CBL: variants seen among roughly 807,000 people sequenced by gnomAD.
CBL encodes Cbl proto-oncogene.
In CBL, 45 loss-of-function variants were observed where a neutral mutation model predicts 96.9. That is an observed-to-expected ratio of 0.46 (90% CI 0.37 to 0.60). CBL has a LOEUF of 0.60. Ranked by LOEUF, CBL falls within the 20% of genes least tolerant of loss-of-function variation. The probability of loss-of-function intolerance (pLI) is 0.00; values close to 1 mark genes in which losing one functional copy is unlikely to be tolerated. For synonymous variants in CBL, 420 were observed against 426.8 expected, an observed-to-expected ratio of 0.98 and a Z score of 0.20; for missense variants, 1,024 against 1,143.5, an observed-to-expected ratio of 0.90 and a Z score of 1.51.
intron 1 of CBL, among the ~76,000 whole-genome samples, chr11:119,212,627 A>AAAAT (rs996088190): frequency 6.6e-6 from 1 of 152,248 alleles, no homozygotes; most frequent in East Asian, 1.9e-4. Flanking sequence ...ACTCTGTCTC[A>AAAAT]AAATAAATAA....
At chr11:119,290,725 G>T (rs1039497507) in intron 12 of CBL, among the ~76,000 whole-genome samples, 1 of 148,634 alleles carries the variant, frequency 6.7e-6, no homozygotes, top group African/African-American at 2.5e-5. Flanking sequence ...ACCCAGGCTG[G>T]AGTCCAGTGG....
chr11:119,274,128 A>G (rs1949869997), intron 4 of CBL, 104 bp downstream of exon 4: 3 of 887,490 alleles, frequency 3.4e-6, no homozygotes, highest in Non-Finnish European at 3.5e-6. Context: ...TGTCTGTATG[A>G]AAGTATTTTA....
intron 13 of CBL, 58 bp from the exon 14 acceptor site, chr11:119,297,326 G>A (rs749540822): frequency 1.7e-5 from 22 of 1,315,920 alleles, no homozygotes; most frequent in Non-Finnish European, 2.0e-5. Flanking sequence ...ATCTTCATAA[G>A]TTTATAGATA....
rs548187956 is a variant in CBL at position 119,242,987 on chromosome 11, A to T, written c.443+10292A>T. ...GGGTGGTGGTTATATCAAAAGATTT[A>T]GAATTTTCAGCCAGGGGTGGTGGCT... On this transcript the variant is annotated intron_variant, in intron 2 of 15. Coordinates refer to ENST00000264033, the MANE Select transcript of CBL (RefSeq NM_005188.4). Among the ~76,000 whole-genome samples, 12 of 152,144 alleles carry T rather than the reference A, an allele frequency of 7.9e-5. No homozygotes were observed. The South Asian group carries it at 2.1e-3, about 26-fold the overall frequency.
intron 2 of CBL, among the ~76,000 whole-genome samples, chr11:119,255,763 G>A (rs1427378882): frequency 6.6e-6 from 1 of 152,092 alleles, no homozygotes; most frequent in African/African-American, 2.4e-5. Context: ...ATATATCACA[G>A]CTTAATGTTT....
chr11:119,212,086 AT>A (rs990028458), intron 1 of CBL, among the ~76,000 whole-genome samples: 1 of 146,442 alleles, frequency 6.8e-6, no homozygotes, highest in Non-Finnish European at 1.5e-5. Context: ...TGCCTGGCTA[AT>A]TTTGTATTTT....
Position 119,278,548 on chromosome 11 carries a change from A to G in CBL, c.1266A>G (p.Glu422=). 1 of 1,614,160 alleles carries G rather than the reference A, an allele frequency of 6.2e-7. No homozygotes were observed. The highest frequency in any genetic ancestry group is 8.5e-7 in the Non-Finnish European group (1 of 1,180,024). The part of the protein sequence containing the change: ...EGQGCPFCRC[E]IKGTEPIVVD... ...AGGGCTGTCCTTTCTGCCGATGTGA[A>G]ATTAAAGGTACTGAACCCATCGTGG... Residue 422 remains glutamate (E), a synonymous_variant, in exon 9 of 16, where the codon GAA becomes GAG. Coordinates refer to ENST00000264033, the MANE Select transcript of CBL (RefSeq NM_005188.4).
intron 1 of CBL, 127 bp downstream of exon 1, chr11:119,206,739 C>G: frequency 6.9e-6 from 2 of 288,670 alleles, no homozygotes; most frequent in South Asian, 7.5e-5. Flanking sequence ...GGCGCGGAGC[C>G]GGGGTGACCG....
intron 6 of CBL, among the ~76,000 whole-genome samples, chr11:119,277,475 A>C (rs2135302687): frequency 6.6e-6 from 1 of 152,332 alleles, no homozygotes; most frequent in African/African-American, 2.4e-5. Flanking sequence ...CCTTTACAGA[A>C]AAGCTTGCTA....
chr11:119,280,162 G>T (rs1229780109), intron 9 of CBL, among the ~76,000 whole-genome samples: 1 of 152,144 alleles, frequency 6.6e-6, no homozygotes, highest in Admixed American at 6.5e-5. Context: ...CATTCATATT[G>T]TTTGCAGGCT....
At chr11:119,271,347 C>T (rs1427112158) in intron 2 of CBL, among the ~76,000 whole-genome samples, 1 of 152,166 alleles carries the variant, frequency 6.6e-6, no homozygotes, top group Non-Finnish European at 1.5e-5. Context: ...AGATTAAAAG[C>T]TTTAAGATAT....
At chr11:119,297,603 A>G in intron 14 of CBL, 122 bp downstream of exon 14, 1 of 747,192 alleles carries the variant, frequency 1.3e-6, no homozygotes, top group Middle Eastern at 2.5e-4. Flanking sequence ...GACTACAGGT[A>G]CGTGCCACCA....
Position 119,298,346 on chromosome 11 carries a change from A to T in CBL, c.2252-12A>T. 1 of 1,613,326 alleles carries T rather than the reference A, an allele frequency of 6.2e-7. No individual in the cohort carries two copies. The highest frequency in any genetic ancestry group is 8.5e-7 in the Non-Finnish European group (1 of 1,179,254). On this transcript the variant is annotated splice_polypyrimidine_tract_variant and intron_variant, in intron 14 of 15. Coordinates refer to ENST00000264033, the MANE Select transcript of CBL (RefSeq NM_005188.4). ...GCGTCAGAAGAAGATAACATCACTCATTTTTCTCCAGGTGAAGGGAATTTG... is the reference window on the plus strand; with the variant it reads ...GCGTCAGAAGAAGATAACATCACTCTTTTTTCTCCAGGTGAAGGGAATTTG...
rs1445104148 is a variant in CBL, at chr11:119,301,004, T to A, written c.*1223T>A. 1 of 234,068 alleles carries A rather than the reference T, an allele frequency of 4.3e-6. No individual in the cohort carries two copies. Among genetic ancestry groups the A allele is most frequent in the Non-Finnish European group, 8.4e-6 (1 of 118,664 alleles). The allele number at this position is 234,068 out of a possible 1,614,324, so 14.5% of individuals were successfully genotyped here. A position where few individuals can be genotyped will look rare whatever the true frequency, so the allele number is the denominator to read the frequency against. ...GGTTATATTTTCAGCAGTGGTTTTT[T>A]CCTTTGCCCTTTAAGGAGTGGGGAT... On this transcript the variant is annotated 3_prime_UTR_variant, in exon 16 of 16. Transcript: ENST00000264033.
chr11:119,248,108 A>G (rs770940395), intron 2 of CBL, among the ~76,000 whole-genome samples: 13 of 152,206 alleles, frequency 8.5e-5, no homozygotes, highest in Non-Finnish European at 1.5e-4. Flanking sequence ...CACTTTTTTC[A>G]GAAGCTGACT....
intron 2 of CBL, among the ~76,000 whole-genome samples, chr11:119,255,888 C>A (rs1306197802): frequency 6.6e-6 from 1 of 151,744 alleles, no homozygotes; most frequent in African/African-American, 2.4e-5. Flanking sequence ...CCCATTTCCC[C>A]TTAATTTATA....
intron 2 of CBL, among the ~76,000 whole-genome samples, chr11:119,264,884 T>G (rs946998174): frequency 3.3e-5 from 5 of 152,196 alleles, no homozygotes; most frequent in African/African-American, 4.8e-5. Flanking sequence ...TTTTTCATTA[T>G]TATTATTTTT....
intron 1 of CBL, among the ~76,000 whole-genome samples, chr11:119,221,338 G>C (rs1442888100): frequency 1.2e-4 from 18 of 151,986 alleles, no homozygotes; most frequent in Admixed American, 1.2e-3. Flanking sequence ...GATTGCTTGA[G>C]CCTAGGAGTT....
At chr11:119,280,720 A>G (rs1243966912) in intron 9 of CBL, among the ~76,000 whole-genome samples, 4 of 151,784 alleles carry the variant, frequency 2.6e-5, no homozygotes, top group African/African-American at 2.4e-5. Flanking sequence ...ACTGTTTACT[A>G]CCTCTGTGTT....
Sources: gnomAD v4.1 joint callset for allele counts (sites outside exome capture counted in the v4.1 genomes callset) on GRCh38, gnomAD v4.1.1 for gene constraint, MANE v1.5 for transcripts, NCBI Gene and HGNC (gene_info 2026-07-23, HGNC 2026-07-21) for gene names.